The following VAPB variants were observed in gnomAD, a reference collection of about 807,000 sequenced individuals.
VAPB encodes the protein vesicle-associated membrane protein-associated protein B/C.
A neutral mutation model predicts 25.6 loss-of-function variants in VAPB; 7 were observed. The observed-to-expected ratio is 0.27, with a 90% CI of 0.16 to 0.51. The LOEUF is 0.51. Among genes scored for constraint, VAPB ranks in the 20% least tolerant of loss-of-function variants. VAPB has a pLI of 0.97. For synonymous variants in VAPB, 112 were observed against 109.2 expected (o/e 1.03, Z -0.16); for missense variants, 266 against 301.3 (o/e 0.88, Z 0.87).
At chr20:58,391,013 A>G (rs1987782292) in intron 1 of VAPB, among the ~76,000 whole-genome samples, 1 of 152,250 alleles carries the variant, frequency 6.6e-6, no homozygotes, top group Admixed American at 6.5e-5. Context: ...CCAGGATAGT[A>G]CTTGAGCTTT....
chr20:58,443,997 G>A (rs1989218023), intron 5 of VAPB, 80 bp from the exon 6 acceptor site: 1 of 1,604,322 alleles, frequency 6.2e-7, no homozygotes, highest in Non-Finnish European at 8.5e-7. Flanking sequence ...GGCATAAACA[G>A]CCCATCCCGT....
intron 1 of VAPB, among the ~76,000 whole-genome samples, chr20:58,410,281 G>A (rs1988344662): frequency 6.6e-6 from 1 of 152,144 alleles, no homozygotes; most frequent in Non-Finnish European, 1.5e-5. Flanking sequence ...TGTACATTCT[G>A]TGAGTTTTTA....
At chr20:58,419,916 G>A (rs560700448) in intron 2 of VAPB, among the ~76,000 whole-genome samples, 1 of 152,212 alleles carries the variant, frequency 6.6e-6, no homozygotes, top group Non-Finnish European at 1.5e-5. Flanking sequence ...TCAGTAGGTG[G>A]TTGTACAATG....
Position 58,444,185 on chromosome 20 carries a change from G to T in VAPB, c.682G>T (p.Val228Leu), listed in dbSNP as rs1409196940. 6.2e-7 allele frequency: 1 copy of T among 1,614,128 alleles called. No homozygotes were observed. The highest frequency in any genetic ancestry group is 1.7e-5 in the Admixed American group (1 of 60,010). Residue 228 changes from valine to leucine, a missense_variant, in exon 6 of 6, where the codon GTG becomes TTG. This residue lies in a region of VAPB where 136 missense variants were observed against 130.7 expected (regional missense o/e 1.04). Coordinates refer to ENST00000475243, the MANE Select transcript of VAPB (RefSeq NM_004738.5). ...EGLSTRLLAL[V>L]VLFFIVGVII... Reference sequence around the variant, plus strand: ...CCTTAGCACCCGGCTCTTGGCTCTGGTGGTTTTGTTCTTTATCGTTGGTGT... The same window carrying T: ...CCTTAGCACCCGGCTCTTGGCTCTGTTGGTTTTGTTCTTTATCGTTGGTGT...
intron 1 of VAPB, among the ~76,000 whole-genome samples, chr20:58,410,168 A>G (rs1430998030): frequency 1.3e-5 from 2 of 152,106 alleles, no homozygotes; most frequent in Non-Finnish European, 2.9e-5. Context: ...TCCACTGCCA[A>G]CATCCTACAC....
Position 58,414,104 on chromosome 20 carries a change from G to A in VAPB, c.59-4107G>A, listed in dbSNP as rs1226956708. ...CAGAGGCGCCCCTCACCTCCCGGAC[G>A]GGGCGGCTGGCCGGGCGGGAGGCTG... On this transcript the variant is annotated intron_variant, in intron 1 of 5. Coordinates refer to ENST00000475243, the MANE Select transcript of VAPB (RefSeq NM_004738.5). Among the ~76,000 whole-genome samples the A allele has an allele frequency of 1.8e-5, 2 of 111,062 alleles. 1 individual carries two copies. The highest frequency in any genetic ancestry group is 6.9e-5 in the African/African-American group (2 of 28,888). 72.9% of individuals were successfully genotyped at this position (111,062 alleles called of 152,430 possible). A position where few individuals can be genotyped will look rare whatever the true frequency, so the allele number is the denominator to read the frequency against.
intron 3 of VAPB, among the ~76,000 whole-genome samples, chr20:58,437,559 G>A (rs1289821117): frequency 6.6e-6 from 1 of 152,198 alleles, no homozygotes; most frequent in African/African-American, 2.4e-5. Context: ...GATACTTTGA[G>A]ACCATGTGAA....
chr20:58,442,879 G>A (rs897760737), intron 5 of VAPB, among the ~76,000 whole-genome samples: 1 of 152,174 alleles, frequency 6.6e-6, no homozygotes, highest in Non-Finnish European at 1.5e-5. Context: ...GGGAGCGAAT[G>A]GAAGGAAACG....
At chr20:58,425,246 G>A (rs953333532) in intron 2 of VAPB, among the ~76,000 whole-genome samples, 5 of 152,204 alleles carry the variant, frequency 3.3e-5, no homozygotes, top group Admixed American at 3.3e-4. Context: ...CGGGGAGTGC[G>A]AGACTGAGGG....
chr20:58,422,605 AT>A (rs768230345), intron 2 of VAPB, among the ~76,000 whole-genome samples: 576 of 138,380 alleles, frequency 4.2e-3, no homozygotes, highest in Middle Eastern at 7.2e-3. Context: ...GTGGTTGTGG[AT>A]TTTTTTTTTT....
At chr20:58,408,579 G>T (rs1422007788) in intron 1 of VAPB, among the ~76,000 whole-genome samples, 1 of 151,846 alleles carries the variant, frequency 6.6e-6, no homozygotes, top group Non-Finnish European at 1.5e-5. Flanking sequence ...CACTCTCTTC[G>T]AATATCTGTT....
chr20:58,410,632 G>A (rs575928126), intron 1 of VAPB, among the ~76,000 whole-genome samples: 8 of 151,824 alleles, frequency 5.3e-5, no homozygotes, highest in Non-Finnish European at 1.0e-4. Flanking sequence ...GGCCAGGCTG[G>A]TCTCGAACTC....
intron 1 of VAPB, among the ~76,000 whole-genome samples, chr20:58,409,564 A>G (rs1022846872): frequency 2.6e-5 from 4 of 152,134 alleles, no homozygotes; most frequent in Non-Finnish European, 4.4e-5. Context: ...GAAATATGGT[A>G]ATTTGTTTTT....
intron 1 of VAPB, among the ~76,000 whole-genome samples, chr20:58,411,774 G>A (rs1200176322): frequency 6.6e-6 from 1 of 152,110 alleles, no homozygotes; most frequent in Non-Finnish European, 1.5e-5. Context: ...CGCCTCCCTG[G>A]TTCAGGCCAT....
rs1303604452 is a variant in VAPB at position 58,418,358 on chromosome 20, T to G, written c.206T>G (p.Val69Gly). Residue 69 changes from valine to glycine, a missense_variant, in exon 2 of 6, where the codon GTA becomes GGA. By Grantham distance (109) the Val-to-Gly change is moderately radical. This residue lies in a region of VAPB where 98 missense variants were observed against 147.1 expected (regional missense o/e 0.67). Coordinates refer to ENST00000475243, the MANE Select transcript of VAPB (RefSeq NM_004738.5). ...GIIDAGASIN[V>G]SVMLQPFDYD... ...ATCGATGCAGGGGCCTCAATTAATG[T>G]ATCTGGTAAGTCCTGAGACTGGAGG... The G allele has an allele frequency of 2.5e-6, 4 of 1,614,100 alleles. No individual in the cohort carries two copies. The highest frequency in any genetic ancestry group is 2.5e-6 in the Non-Finnish European group (3 of 1,179,996).
chr20:58,401,014 C>T (rs555515259), intron 1 of VAPB, among the ~76,000 whole-genome samples: 3 of 152,184 alleles, frequency 2.0e-5, no homozygotes, highest in Non-Finnish European at 2.9e-5. Context: ...ATGTAATTTG[C>T]GGGCAGGAGG....
At chr20:58,397,603 G>T (rs890511359) in intron 1 of VAPB, among the ~76,000 whole-genome samples, 2 of 152,102 alleles carry the variant, frequency 1.3e-5, no homozygotes, top group Non-Finnish European at 2.9e-5. Context: ...GGCAAAGCTT[G>T]TGTGTGGTAG....
intron 2 of VAPB, among the ~76,000 whole-genome samples, chr20:58,427,572 A>G (rs919312662): frequency 1.3e-5 from 2 of 151,886 alleles, no homozygotes; most frequent in Non-Finnish European, 2.9e-5. Flanking sequence ...ATCTGTTACC[A>G]TTATGATGCA....
intron 1 of VAPB, among the ~76,000 whole-genome samples, chr20:58,414,196 C>T (rs1465306997): frequency 2.2e-4 from 23 of 105,558 alleles, no homozygotes; most frequent in East Asian, 8.1e-4. Flanking sequence ...ACCTCCCTCC[C>T]TGACGGGGCG....
Sources: allele counts gnomAD v4.1 joint callset (sites outside exome capture counted in the v4.1 genomes callset), GRCh38; gene constraint gnomAD v4.1.1; regional missense constraint gnomAD v4.1.1; transcripts MANE v1.5; gene names NCBI Gene and HGNC (gene_info 2026-07-23, HGNC 2026-07-21).